The following SMAD2 variants were observed in gnomAD, a reference collection of about 807,000 sequenced individuals.
SMAD2 encodes MAD homolog 2.
A neutral mutation model predicts 64.4 loss-of-function variants in SMAD2; 8 were observed. That is an observed-to-expected ratio of 0.12 (90% confidence interval 0.07 to 0.22). The LOEUF (loss-of-function observed/expected upper bound fraction) is 0.22. Among genes scored for constraint, SMAD2 ranks in the 10% least tolerant of loss-of-function variants. The pLI, the probability that SMAD2 is intolerant of heterozygous loss-of-function variation, is 1.00. For missense variants in SMAD2, 289 were observed against 561.2 expected, an observed-to-expected ratio of 0.51 and a Z score of 4.90; for synonymous variants, 203 against 195.8, an observed-to-expected ratio of 1.04 and a Z score of -0.31.
At position 47,829,148 on chromosome 18, in the gene SMAD2, C is replaced by T. The variant is rs1379202936; in HGVS notation, c.*12679G>A. On this transcript the variant is annotated 3_prime_UTR_variant, in exon 11 of 11. Coordinates refer to ENST00000262160, the MANE Select transcript of SMAD2 (RefSeq NM_005901.6). ...TGTTAAGGAGGCTTCCTAGAGAAGACGTGGCAATGCACCTGATGGAGACGT... is the reference window on the plus strand; with the variant it reads ...TGTTAAGGAGGCTTCCTAGAGAAGATGTGGCAATGCACCTGATGGAGACGT... 3 of 151,966 alleles carry T rather than the reference C, an allele frequency of 2.0e-5. No individual in the cohort carries two copies. Among genetic ancestry groups the T allele is most frequent in the Admixed American group, 1.3e-4 (2 of 15,246 alleles). 9.4% of individuals were successfully genotyped at this position (151,966 alleles called of 1,614,324 possible). A position where few individuals can be genotyped will look rare whatever the true frequency, so the allele number is the denominator to read the frequency against.
At chr18:47,865,741 T>C (rs866363972) in intron 5 of SMAD2, among the ~76,000 whole-genome samples, 21 of 152,290 alleles carry the variant, frequency 1.4e-4, no homozygotes, top group Middle Eastern at 3.4e-3. Context: ...AATTCAAATA[T>C]AGACTACTGT....
chr18:47,847,121 T>G (rs2144294966), intron 8 of SMAD2, among the ~76,000 whole-genome samples: 1 of 152,200 alleles, frequency 6.6e-6, no homozygotes, highest in East Asian at 1.9e-4. Flanking sequence ...GAGAAGAGAA[T>G]AAGGCAGAGA....
At chr18:47,884,418 A>G (rs2144428965) in intron 2 of SMAD2, among the ~76,000 whole-genome samples, 1 of 152,328 alleles carries the variant, frequency 6.6e-6, no homozygotes, top group South Asian at 2.1e-4. Context: ...CAAGTGGAAG[A>G]GACAGAGGCC....
intron 6 of SMAD2, among the ~76,000 whole-genome samples, chr18:47,852,138 G>A (rs1294871971): frequency 1.3e-5 from 2 of 152,012 alleles, no homozygotes; most frequent in Non-Finnish European, 1.5e-5. Context: ...TTTCTTTTGC[G>A]ATGTTGATCA....
chr18:47,816,056 G>A lies in SMAD2; in HGVS notation c.*25771C>T, dbSNP rs1912353262. The stretch of plus-strand genomic sequence containing the variant: ...AGGTTGAGAATGAAAGTTCTGGAGA[G>A]TCACCTAAGAGACGGTAAACACATA... On this transcript the variant is annotated 3_prime_UTR_variant, in exon 11 of 11. Coordinates refer to ENST00000262160, the MANE Select transcript of SMAD2 (RefSeq NM_005901.6). 6.6e-6 allele frequency: 1 copy of A among 152,178 alleles called. No homozygotes were observed. The highest frequency in any genetic ancestry group is 2.4e-5 in the African/African-American group (1 of 41,422). 9.4% of individuals were successfully genotyped at this position (152,178 alleles called of 1,614,324 possible). A position where few individuals can be genotyped will look rare whatever the true frequency, so the allele number is the denominator to read the frequency against.
Position 47,823,162 on chromosome 18 carries a change from A to T in SMAD2, c.*18665T>A, listed in dbSNP as rs899121564. ...TTCAATGGTTCTCAGCATTACACTGAATTAAAAATTATCATTTCCTGGCAG... is the reference window on the plus strand; with the variant it reads ...TTCAATGGTTCTCAGCATTACACTGTATTAAAAATTATCATTTCCTGGCAG... On this transcript the variant is annotated 3_prime_UTR_variant, in exon 11 of 11. Transcript: ENST00000262160. The T allele has an allele frequency of 1.3e-5, 2 of 152,232 alleles. No individual in the cohort carries two copies. Among genetic ancestry groups the T allele is most frequent in the Non-Finnish European group, 2.9e-5 (2 of 68,046 alleles). The allele number at this position is 152,232 out of a possible 1,614,324, so 9.4% of individuals were successfully genotyped here.
intron 2 of SMAD2, among the ~76,000 whole-genome samples, chr18:47,893,439 C>T (rs2144463245): frequency 6.6e-6 from 1 of 152,278 alleles, no homozygotes; most frequent in South Asian, 2.1e-4. Flanking sequence ...AATTTGTTTC[C>T]CGTTCTTCAT....
chr18:47,876,038 C>T (rs552880416), intron 2 of SMAD2, among the ~76,000 whole-genome samples: 2 of 152,040 alleles, frequency 1.3e-5, no homozygotes, highest in East Asian at 3.9e-4. Context: ...AAAACAGAAA[C>T]CTGTACAACA....
chr18:47,912,966 T>C (rs891511654), intron 1 of SMAD2, among the ~76,000 whole-genome samples: 2 of 151,154 alleles, frequency 1.3e-5, no homozygotes, highest in African/African-American at 2.4e-5. Flanking sequence ...GTTGCCCAGG[T>C]TGGAGTGCAA....
At position 47,833,741 on chromosome 18, in the gene SMAD2, G is replaced by A. The variant is rs1203440839; in HGVS notation, c.*8086C>T. The A allele has an allele frequency of 1.7e-5, 4 of 230,622 alleles. No homozygotes were observed. Among genetic ancestry groups the A allele is most frequent in the Non-Finnish European group, 3.4e-5 (4 of 116,308 alleles). The allele number at this position is 230,622 out of a possible 1,614,324, so 14.3% of individuals were successfully genotyped here. On this transcript the variant is annotated 3_prime_UTR_variant, in exon 11 of 11. Transcript: ENST00000262160. Reference sequence around the variant, plus strand: ...TTAATCATTTTAACACAACATTCACGGAAAAATGTTAACAACACATTCTGG... The same window carrying A: ...TTAATCATTTTAACACAACATTCACAGAAAAATGTTAACAACACATTCTGG...
intron 1 of SMAD2, among the ~76,000 whole-genome samples, chr18:47,915,096 C>T (rs997179464): frequency 1.3e-5 from 2 of 152,162 alleles, no homozygotes; most frequent in African/African-American, 2.4e-5. Flanking sequence ...CACTCATGTA[C>T]TTTCCATCTA....
At chr18:47,861,757 A>G (rs1201604376) in intron 6 of SMAD2, among the ~76,000 whole-genome samples, 1 of 152,144 alleles carries the variant, frequency 6.6e-6, no homozygotes, top group Admixed American at 6.5e-5. Flanking sequence ...TCAATTCTTC[A>G]CTTTCCTTCA....
At chr18:47,874,325 G>A (rs1270174177) in intron 2 of SMAD2, among the ~76,000 whole-genome samples, 3 of 152,142 alleles carry the variant, frequency 2.0e-5, no homozygotes, top group African/African-American at 7.2e-5. Flanking sequence ...TATCTACACT[G>A]AATGACTCCA....
At position 47,869,443 on chromosome 18, in the gene SMAD2, G is replaced by C. The variant is rs1182656708; in HGVS notation, c.327-7C>G. The C allele has an allele frequency of 6.2e-7, 1 of 1,604,892 alleles. No individual in the cohort carries two copies. The highest frequency in any genetic ancestry group is 1.1e-5 in the South Asian group (1 of 90,422). ...GAGACGACCATCAAGAGACCTGTTGGGAAGCAAGGGGAAAAGAAAGGAGGG... is the reference window on the plus strand; with the variant it reads ...GAGACGACCATCAAGAGACCTGTTGCGAAGCAAGGGGAAAAGAAAGGAGGG... On this transcript the variant is annotated splice_polypyrimidine_tract_variant and splice_region_variant and intron_variant, in intron 3 of 10. Transcript: ENST00000262160.
rs1013335967 is a variant in SMAD2, at chr18:47,814,942, G to A, written c.*26885C>T. ...ATGACAGAGTTGTGGTCAGGAGCAG[G>A]GCATGACAGCAGTGAACAAAAGCCA... On this transcript the variant is annotated 3_prime_UTR_variant, in exon 11 of 11. Coordinates refer to ENST00000262160, the MANE Select transcript of SMAD2 (RefSeq NM_005901.6). The A allele has an allele frequency of 1.3e-5, 2 of 152,518 alleles. No homozygotes were observed. Among genetic ancestry groups the A allele is most frequent in the Middle Eastern group, 3.4e-3 (1 of 298 alleles). 9.4% of individuals were successfully genotyped at this position (152,518 alleles called of 1,614,324 possible). A position where few individuals can be genotyped will look rare whatever the true frequency, so the allele number is the denominator to read the frequency against.
intron 1 of SMAD2, among the ~76,000 whole-genome samples, chr18:47,904,961 C>T (rs2033844146): frequency 6.6e-6 from 1 of 152,118 alleles, no homozygotes; most frequent in African/African-American, 2.4e-5. Flanking sequence ...GGGAATAAGA[C>T]AAAGATGTCC....
Position 47,845,754 on chromosome 18 carries a change from C to T in SMAD2, c.1044G>A (p.Glu348=), listed in dbSNP as rs1172069429. Residue 348 remains glutamate, a synonymous_variant, in exon 9 of 11, where the codon GAG becomes GAA. Transcript: ENST00000262160. ...CAAAGATTGCACTATCACTTAGGCA[C>T]TCAGCAAAAACTTCCCCACCTATGT... is the stretch of plus-strand genomic sequence containing the variant. ...LYYIGGEVFA[E]CLSDSAIFVQ... The T allele has an allele frequency of 3.1e-6, 5 of 1,613,742 alleles. No homozygotes were observed. The highest frequency in any genetic ancestry group is 1.7e-5 in the Admixed American group (1 of 60,006).
chr18:47,883,030 A>C (rs907505855), intron 2 of SMAD2, among the ~76,000 whole-genome samples: 6 of 152,188 alleles, frequency 3.9e-5, no homozygotes, highest in East Asian at 1.9e-4. Flanking sequence ...ACAAGCGTTT[A>C]TCTCTCCAAA....
At chr18:47,899,421 C>T (rs2033587064) in intron 1 of SMAD2, among the ~76,000 whole-genome samples, 1 of 151,896 alleles carries the variant, frequency 6.6e-6, no homozygotes, top group African/African-American at 2.4e-5. Flanking sequence ...CTAAGAAATA[C>T]ATATAAAGGA....
Sources: allele counts gnomAD v4.1 joint callset (sites outside exome capture counted in the v4.1 genomes callset), GRCh38; gene constraint gnomAD v4.1.1; transcripts MANE v1.5; gene names NCBI Gene and HGNC (gene_info 2026-07-23, HGNC 2026-07-21).